PDE3B: variants seen among roughly 807,000 people sequenced by gnomAD.
PDE3B encodes phosphodiesterase 3B.
A neutral mutation model predicts 116.8 loss-of-function variants in PDE3B; 66 were observed. The observed-to-expected ratio is 0.56, with a 90% confidence interval of 0.46 to 0.69. The LOEUF is 0.69. PDE3B is among the 30% of genes least tolerant of loss of function. PDE3B has a pLI of 0.00. For missense variants in PDE3B, 1,384 were observed against 1,368.1 expected (o/e 1.01, Z -0.18); for synonymous variants, 595 against 533.6 (o/e 1.12, Z -1.59).
the PDE3B span, chr11:14,880,284 C>A: frequency 6.2e-7 from 1 of 1,613,058 alleles, no homozygotes; most frequent in Non-Finnish European, 8.5e-7. Context: ...TACCTTGATC[C>A]ATCTCATCTA....
chr11:14,856,837 G>T (rs1256212195), intron 12 of PDE3B, among the ~76,000 whole-genome samples: 2 of 144,924 alleles, frequency 1.4e-5, no homozygotes, highest in Non-Finnish European at 3.0e-5. Context: ...CTGGGCAACA[G>T]AACGAGAGTC....
chr11:14,694,142 G>A (rs1448355231), intron 1 of PDE3B, among the ~76,000 whole-genome samples: 1 of 152,146 alleles, frequency 6.6e-6, no homozygotes, highest in African/African-American at 2.4e-5. Flanking sequence ...GAACATATGA[G>A]TAGTTACTTT....
intron 1 of PDE3B, chr11:14,700,591 A>G (rs1377156424): frequency 6.6e-6 from 1 of 151,810 alleles, no homozygotes; most frequent in African/African-American, 2.4e-5. Flanking sequence ...TGAATTAAAA[A>G]AAGGTTACTT....
At chr11:14,787,029 T>G (rs1262176005) in intron 3 of PDE3B, among the ~76,000 whole-genome samples, 1 of 152,064 alleles carries the variant, frequency 6.6e-6, no homozygotes, top group Non-Finnish European at 1.5e-5. Context: ...CTAGGAATTG[T>G]TCTTGTTGAG....
At chr11:14,760,187 G>C (rs1857316882) in intron 1 of PDE3B, among the ~76,000 whole-genome samples, 1 of 152,114 alleles carries the variant, frequency 6.6e-6, no homozygotes, top group Admixed American at 6.6e-5. Flanking sequence ...TAAAAGTGAG[G>C]ACAGCCACAA....
At chr11:14,895,810 G>A in the PDE3B span, among the ~76,000 whole-genome samples, 1 of 152,192 alleles carries the variant, frequency 6.6e-6, no homozygotes, top group Non-Finnish European at 1.5e-5. Flanking sequence ...TGGCAGGAGA[G>A]TACAGCAATA....
At chr11:14,891,660 G>A in the PDE3B span, 1 of 1,163,366 alleles carries the variant, frequency 8.6e-7, no homozygotes. Flanking sequence ...GACCTGAAGT[G>A]GCGGCGCGGC....
chr11:14,872,463 G>T (rs1443440806), downstream of PDE3B, among the ~76,000 whole-genome samples: 1 of 152,204 alleles, frequency 6.6e-6, no homozygotes, highest in Admixed American at 6.5e-5. Context: ...AGCCAAAAGA[G>T]ATTTAGGGTG....
At chr11:14,658,133 T>G (rs1325401553) in intron 1 of PDE3B, among the ~76,000 whole-genome samples, 1 of 152,130 alleles carries the variant, frequency 6.6e-6, no homozygotes. Context: ...TATGCTTACA[T>G]GATTCTTTAG....
rs958231971 is a variant in PDE3B, at chr11:14,643,814, G to C, written c.-262G>C. The C allele has an allele frequency of 2.3e-5, 10 of 435,228 alleles. No homozygotes were observed. Among genetic ancestry groups the C allele is most frequent in the African/African-American group, 6.2e-5 (3 of 48,470 alleles). 27.0% of individuals were successfully genotyped at this position (435,228 alleles called of 1,614,324 possible). On this transcript the variant is annotated 5_prime_UTR_variant, in exon 1 of 16. Transcript: ENST00000282096. ...CGACACTGAGTCTCCAGTCCCGAGA[G>C]GTGCCCGAGGGAAAAGGAGGCGGCA...
rs943485802 is a variant in PDE3B, at chr11:14,715,970, G to A, written c.979-55967G>A. On this transcript the variant is annotated intron_variant, in intron 1 of 15. Coordinates refer to ENST00000282096, the MANE Select transcript of PDE3B (RefSeq NM_000922.4). ...GTCTACAGCTCCCAGCGTGAGCGACGCAGAAGACAGGTGATTTCTGCATTT... is the reference window on the plus strand; with the variant it reads ...GTCTACAGCTCCCAGCGTGAGCGACACAGAAGACAGGTGATTTCTGCATTT... 3.5e-4 allele frequency among the ~76,000 whole-genome samples: 53 copies of A among 152,186 alleles called. 1 individual carries two copies. Among genetic ancestry groups the A allele is most frequent in the African/African-American group, 5.3e-4 (22 of 41,468 alleles).
intron 1 of PDE3B, among the ~76,000 whole-genome samples, chr11:14,672,917 C>CTT (rs36095953): frequency 1.5e-4 from 21 of 141,638 alleles, no homozygotes; most frequent in Middle Eastern, 3.5e-3. Context: ...AAAAACTTTA[C>CTT]TTTTTTTTTT....
At chr11:14,845,019 C>T (rs538297404) in intron 12 of PDE3B, among the ~76,000 whole-genome samples, 89 of 152,270 alleles carry the variant, frequency 5.8e-4, no homozygotes, top group Non-Finnish European at 7.5e-4. Context: ...GATCTGAGAA[C>T]GGGCAGACTG....
rs1447094174 is a variant in PDE3B at position 14,644,064 on chromosome 11, C to G, written c.-12C>G. Reference sequence around the variant, plus strand: ...GGTGTGCTGAGTCCCGTGGCCACCCCCGGCCCCAGCCATGAGGAGGGACGA... The same window carrying G: ...GGTGTGCTGAGTCCCGTGGCCACCCGCGGCCCCAGCCATGAGGAGGGACGA... On this transcript the variant is annotated 5_prime_UTR_variant, in exon 1 of 16. Coordinates refer to ENST00000282096, the MANE Select transcript of PDE3B (RefSeq NM_000922.4). 7 of 1,504,918 alleles carry G rather than the reference C, an allele frequency of 4.7e-6. No homozygotes were observed. In the Admixed American group the frequency reaches 6.7e-5, roughly 14 times the overall value. The allele number at this position is 1,504,918 out of a possible 1,614,324, so 93.2% of individuals were successfully genotyped here. A position where few individuals can be genotyped will look rare whatever the true frequency, so the allele number is the denominator to read the frequency against.
At chr11:14,805,325 A>G (rs1296127390) in intron 5 of PDE3B, among the ~76,000 whole-genome samples, 1 of 152,214 alleles carries the variant, frequency 6.6e-6, no homozygotes, top group Non-Finnish European at 1.5e-5. Context: ...TCCAAAGACA[A>G]TGGCATATTT....
intron 1 of PDE3B, among the ~76,000 whole-genome samples, chr11:14,704,789 A>T (rs1294964719): frequency 6.6e-6 from 1 of 151,706 alleles, no homozygotes; most frequent in African/African-American, 2.4e-5. Flanking sequence ...AAACTAAAAA[A>T]AGCTGTAAGA....
chr11:14,681,475 C>T (rs1321053547), intron 1 of PDE3B, among the ~76,000 whole-genome samples: 1 of 152,090 alleles, frequency 6.6e-6, no homozygotes, highest in Non-Finnish European at 1.5e-5. Flanking sequence ...TCTCTCTTGC[C>T]ATGAGTGTGA....
intron 7 of PDE3B, among the ~76,000 whole-genome samples, chr11:14,821,137 A>G (rs958293520): frequency 2.0e-5 from 3 of 152,236 alleles, no homozygotes; most frequent in African/African-American, 7.2e-5. Flanking sequence ...AGAATTTCCA[A>G]GATGGGTTAC....
At chr11:14,741,139 C>G (rs1856758960) in intron 1 of PDE3B, among the ~76,000 whole-genome samples, 1 of 152,006 alleles carries the variant, frequency 6.6e-6, no homozygotes, top group South Asian at 2.1e-4. Context: ...GAGCTGAGTT[C>G]AAGTCTTGAA....
Sources: allele counts gnomAD v4.1 joint callset (sites outside exome capture counted in the v4.1 genomes callset), GRCh38; gene constraint gnomAD v4.1.1; transcripts MANE v1.5; gene names NCBI Gene and HGNC (gene_info 2026-07-23, HGNC 2026-07-21).